Variants in ANKRD30B observed in about 807,000 individuals in gnomAD.
ANKRD30B encodes the protein ankyrin repeat domain-containing protein 30B.
Under a neutral mutation model 202.2 loss-of-function variants are expected in ANKRD30B, and 144 were observed. The observed-to-expected ratio is 0.71, with a 90% CI of 0.62 to 0.82. The LOEUF is 0.82. Among genes scored for constraint, ANKRD30B ranks in the 40% least tolerant of loss-of-function variants. The probability of loss-of-function intolerance (pLI) is 0.00; values close to 1 mark genes in which losing one functional copy is unlikely to be tolerated. For synonymous variants in ANKRD30B, 508 were observed against 561.3 expected, an observed-to-expected ratio of 0.91 and a Z score of 1.34; for missense variants, 1,487 against 1,669.1, an observed-to-expected ratio of 0.89 and a Z score of 1.90.
chr18:14,782,159 C>CAGGT (rs1967789646), intron 11 of ANKRD30B, among the ~76,000 whole-genome samples: 1 of 152,136 alleles, frequency 6.6e-6, no homozygotes, highest in African/African-American at 2.4e-5. Flanking sequence ...TGCGTTATGG[C>CAGGT]AGGTAGCAAG....
At chr18:14,789,046 T>A (rs945073870) in intron 15 of ANKRD30B, among the ~76,000 whole-genome samples, 4 of 151,624 alleles carry the variant, frequency 2.6e-5, no homozygotes, top group African/African-American at 9.7e-5. Flanking sequence ...CCACATCCTC[T>A]CCAGCACCTG....
chr18:14,919,962 G>T, the ANKRD30B span, among the ~76,000 whole-genome samples: 1 of 152,340 alleles, frequency 6.6e-6, no homozygotes, highest in African/African-American at 2.4e-5. Context: ...CCAAGAGGCT[G>T]CTTTCCTGCA....
chr18:14,824,435 C>A (rs183581410), intron 32 of ANKRD30B, among the ~76,000 whole-genome samples: 3 of 148,664 alleles, frequency 2.0e-5, no homozygotes, highest in East Asian at 2.1e-4. Context: ...CTCACTACCC[C>A]CTCTGCCTCC....
At chr18:14,882,000 C>A in the ANKRD30B span, among the ~76,000 whole-genome samples, 1 of 152,070 alleles carries the variant, frequency 6.6e-6, no homozygotes, top group South Asian at 2.1e-4. Context: ...CTCTTCTTTT[C>A]TTGGTTAATC....
At chr18:14,775,603 G>A (rs1397249604) in intron 9 of ANKRD30B, among the ~76,000 whole-genome samples, 2 of 152,310 alleles carry the variant, frequency 1.3e-5, no homozygotes, top group East Asian at 3.9e-4. Flanking sequence ...CAACAATTTG[G>A]TCGAGTAGTA....
the ANKRD30B span, among the ~76,000 whole-genome samples, chr18:14,881,055 T>C: frequency 6.6e-6 from 1 of 151,470 alleles, no homozygotes; most frequent in Non-Finnish European, 1.5e-5. Context: ...ACTTCCTCTT[T>C]ACCGATTTGG....
At chr18:14,750,395 G>T (rs761815154) in intron 1 of ANKRD30B, among the ~76,000 whole-genome samples, 1 of 152,084 alleles carries the variant, frequency 6.6e-6, no homozygotes, top group Non-Finnish European at 1.5e-5. Flanking sequence ...AGTGTTCCTG[G>T]TTAGAGAAGG....
At chr18:14,930,472 A>G in the ANKRD30B span, among the ~76,000 whole-genome samples, 1 of 152,150 alleles carries the variant, frequency 6.6e-6, no homozygotes, top group South Asian at 2.1e-4. Context: ...TGAGGACTCC[A>G]TCCCTGTAAG....
At chr18:14,925,276 A>G in the ANKRD30B span, among the ~76,000 whole-genome samples, 1 of 151,780 alleles carries the variant, frequency 6.6e-6, no homozygotes, top group South Asian at 2.1e-4. Context: ...AACTTCTGAC[A>G]AGAGAGCCAG....
chr18:14,810,803 C>G (rs1450271453), intron 28 of ANKRD30B, among the ~76,000 whole-genome samples: 5 of 151,096 alleles, frequency 3.3e-5, no homozygotes, highest in African/African-American at 1.2e-4. Flanking sequence ...TGTTGTCATT[C>G]CCATGCATGT....
chr18:14,790,987 T>C (rs1266628980), intron 15 of ANKRD30B, among the ~76,000 whole-genome samples: 4 of 152,212 alleles, frequency 2.6e-5, no homozygotes, highest in Non-Finnish European at 5.9e-5. Flanking sequence ...TCCTTATACC[T>C]CTGGAAGAAT....
At chr18:14,899,361 T>C in the ANKRD30B span, among the ~76,000 whole-genome samples, 235 of 152,242 alleles carry the variant, frequency 1.5e-3, 2 homozygotes, top group African/African-American at 5.5e-3. Flanking sequence ...GTTAAATAAA[T>C]ATATGTTGAA....
In ANKRD30B at chr18:14,784,343, T is replaced by C. The variant is rs1257203907; in HGVS notation, c.1578T>C (p.Pro526=). 1.2e-6 allele frequency: 2 copies of C among 1,612,412 alleles called. No homozygotes were observed. The highest frequency in any genetic ancestry group is 2.2e-5 in the East Asian group (1 of 44,692). ...MEINREVEEL[P]EKPSAFKPAV... ...ATCTCTTTTGCATTTTAGAGCTTCC[T>C]GAGAAGCCATCTGCCTTCAAGGTAT... The change falls in exon 13 of 44, where the codon CCT becomes CCC. Residue 526 remains proline (P), a synonymous_variant. Transcript: ENST00000690538.
At chr18:14,793,619 G>A (rs1968672203) in intron 16 of ANKRD30B, among the ~76,000 whole-genome samples, 1 of 151,998 alleles carries the variant, frequency 6.6e-6, no homozygotes, top group African/African-American at 2.4e-5. Context: ...TTCAGGCCAG[G>A]CGTGGTGACT....
chr18:14,766,902 GA>G (rs1190425311), intron 7 of ANKRD30B, among the ~76,000 whole-genome samples: 1 of 152,182 alleles, frequency 6.6e-6, no homozygotes, highest in East Asian at 1.9e-4. Context: ...TAAGATTACT[GA>G]AAAGCCAATT....
intron 30 of ANKRD30B, among the ~76,000 whole-genome samples, chr18:14,817,321 A>G (rs1598666883): frequency 1.3e-5 from 2 of 152,342 alleles, no homozygotes; most frequent in South Asian, 2.1e-4. Flanking sequence ...GAGCCATGCC[A>G]TGTGACCTGT....
the ANKRD30B span, among the ~76,000 whole-genome samples, chr18:14,907,857 A>C: frequency 6.6e-6 from 1 of 152,126 alleles, no homozygotes; most frequent in Non-Finnish European, 1.5e-5. Context: ...TCCCAGAGCC[A>C]TCATTTCATC....
At chr18:14,814,594 A>G in intron 29 of ANKRD30B, 27 bp from the exon 30 acceptor site, 1 of 1,262,008 alleles carries the variant, frequency 7.9e-7, no homozygotes, top group Non-Finnish European at 1.1e-6. Context: ...CTCCATTGAA[A>G]TTATTTATTG....
intron 20 of ANKRD30B, among the ~76,000 whole-genome samples, chr18:14,798,805 T>C (rs1969108854): frequency 6.6e-6 from 1 of 152,202 alleles, no homozygotes; most frequent in South Asian, 2.1e-4. Context: ...CATCACCCAC[T>C]GTTGGCTCAT....
Sources: allele counts gnomAD v4.1 joint callset (sites outside exome capture counted in the v4.1 genomes callset), GRCh38; gene constraint gnomAD v4.1.1; transcripts MANE v1.5; gene names NCBI Gene and HGNC (gene_info 2026-07-23, HGNC 2026-07-21).